Variants in CDH13 observed in about 807,000 individuals in gnomAD.
CDH13 encodes the protein cadherin-13.
A neutral mutation model predicts 63.8 loss-of-function variants in CDH13; 24 were observed. That is an observed-to-expected ratio of 0.38 (90% CI 0.27 to 0.53). The LOEUF (loss-of-function observed/expected upper bound fraction) is 0.53. CDH13 is among the 20% of genes least tolerant of loss of function. The pLI is 0.85. For missense variants in CDH13, 1,049 were observed against 903.1 expected, an observed-to-expected ratio of 1.16 and a Z score of -2.07; for synonymous variants, 503 against 355.3, an observed-to-expected ratio of 1.42 and a Z score of -4.67.
intron 9 of CDH13, among the ~76,000 whole-genome samples, chr16:83,675,777 A>T (rs1914903758): frequency 6.6e-6 from 1 of 152,228 alleles, no homozygotes; most frequent in Admixed American, 6.5e-5. Flanking sequence ...TCTAATAAAA[A>T]AATAGGGAAT....
chr16:83,146,563 C>G (rs1289968854), intron 4 of CDH13, among the ~76,000 whole-genome samples: 3 of 152,130 alleles, frequency 2.0e-5, no homozygotes, highest in Non-Finnish European at 4.4e-5. Context: ...TTTGTTTGTT[C>G]TATTTCAAGA....
intron 10 of CDH13, among the ~76,000 whole-genome samples, chr16:83,745,541 G>A (rs1912497945): frequency 6.6e-6 from 1 of 152,192 alleles, no homozygotes; most frequent in South Asian, 2.1e-4. Flanking sequence ...GGTGGTAGGT[G>A]AATTGCTGTC....
chr16:83,207,720 TA>T (rs1237139680), intron 4 of CDH13, among the ~76,000 whole-genome samples: 1 of 111,570 alleles, frequency 9.0e-6, no homozygotes, highest in Non-Finnish European at 2.0e-5. Flanking sequence ...TGGAAAAAAA[TA>T]AAACCCCTGC....
intron 7 of CDH13, among the ~76,000 whole-genome samples, chr16:83,517,926 AT>A (rs1452050414): frequency 3.3e-5 from 5 of 152,088 alleles, no homozygotes; most frequent in African/African-American, 4.8e-5. Context: ...TATCGTTCTC[AT>A]TTTACAGATA....
chr16:82,911,938 C>T (rs1223700623), intron 2 of CDH13, among the ~76,000 whole-genome samples: 1 of 151,986 alleles, frequency 6.6e-6, no homozygotes, highest in Non-Finnish European at 1.5e-5. Context: ...TTGAACCACC[C>T]GGCACTTGCT....
chr16:83,038,019 C>T (rs778016402), intron 3 of CDH13, among the ~76,000 whole-genome samples: 2 of 152,002 alleles, frequency 1.3e-5, no homozygotes, highest in African/African-American at 4.8e-5. Flanking sequence ...AGATGGGGAA[C>T]AGGAAGAGAA....
chr16:83,220,655 G>GAAAAAAA (rs34803857), intron 5 of CDH13, among the ~76,000 whole-genome samples: 1 of 137,896 alleles, frequency 7.3e-6, no homozygotes, highest in Non-Finnish European at 1.5e-5. Flanking sequence ...AACAGAGCAA[G>GAAAAAAA]AAAAAAAAAG....
At chr16:83,722,938 A>G (rs1323414911) in intron 10 of CDH13, among the ~76,000 whole-genome samples, 1 of 152,224 alleles carries the variant, frequency 6.6e-6, no homozygotes. Flanking sequence ...AAGTTCCTAA[A>G]TCATGCACCT....
intron 2 of CDH13, among the ~76,000 whole-genome samples, chr16:82,948,004 T>G (rs938280484): frequency 1.3e-5 from 2 of 152,194 alleles, no homozygotes; most frequent in Non-Finnish European, 2.9e-5. Context: ...CATGTGGACT[T>G]CACATGTATT....
intron 10 of CDH13, among the ~76,000 whole-genome samples, chr16:83,709,647 C>A (rs1907703961): frequency 6.6e-6 from 1 of 152,226 alleles, no homozygotes. Context: ...AAAATACATT[C>A]TTCATCAGAC....
intron 6 of CDH13, among the ~76,000 whole-genome samples, chr16:83,453,491 C>T (rs981515004): frequency 1.3e-5 from 2 of 152,160 alleles, no homozygotes; most frequent in African/African-American, 2.4e-5. Context: ...CACTTAGCAT[C>T]GTGTCTGACA....
intron 13 of CDH13, among the ~76,000 whole-genome samples, chr16:83,794,749 C>T (rs898546874): frequency 1.3e-5 from 2 of 152,042 alleles, no homozygotes; most frequent in African/African-American, 4.8e-5. Flanking sequence ...ACATAAGGCT[C>T]ATTGGTAACG....
chr16:82,982,287 C>T (rs1218883637), intron 2 of CDH13, among the ~76,000 whole-genome samples: 1 of 151,770 alleles, frequency 6.6e-6, no homozygotes, highest in Admixed American at 6.6e-5. Flanking sequence ...GTTATTTATG[C>T]CAATAATATC....
intron 8 of CDH13, among the ~76,000 whole-genome samples, chr16:83,659,871 C>T (rs1265054630): frequency 6.6e-6 from 1 of 150,750 alleles, no homozygotes; most frequent in African/African-American, 2.4e-5. Context: ...ACTGCAACCT[C>T]CACCTCCCGG....
chr16:82,629,050 T>C (rs1441523797), intron 1 of CDH13, among the ~76,000 whole-genome samples: 1 of 152,222 alleles, frequency 6.6e-6, no homozygotes, highest in Non-Finnish European at 1.5e-5. Context: ...CCTCTTTCTT[T>C]CTTGGCAGGT....
chr16:83,056,377 T>A (rs139292611), intron 3 of CDH13, among the ~76,000 whole-genome samples: 2 of 151,454 alleles, frequency 1.3e-5, no homozygotes, highest in Non-Finnish European at 2.9e-5. Flanking sequence ...TTGTAATAGC[T>A]AAAAACTGGA....
chr16:82,719,913 C>G (rs1274843503), intron 1 of CDH13, among the ~76,000 whole-genome samples: 1 of 147,032 alleles, frequency 6.8e-6, no homozygotes, highest in Non-Finnish European at 1.5e-5. Flanking sequence ...TTGCTAGGTT[C>G]TTGAAAACTG....
At chr16:83,429,889 C>T (rs2072042334) in intron 6 of CDH13, among the ~76,000 whole-genome samples, 1 of 152,176 alleles carries the variant, frequency 6.6e-6, no homozygotes, top group African/African-American at 2.4e-5. Context: ...CAAAAGCTAT[C>T]TAGAGCTAAT....
At chr16:82,764,748 A>T (rs1290827556) in intron 1 of CDH13, among the ~76,000 whole-genome samples, 1 of 151,600 alleles carries the variant, frequency 6.6e-6, no homozygotes, top group Non-Finnish European at 1.5e-5. Context: ...GTGTCCCTTT[A>T]TCTCTTTATC....
Sources: gnomAD v4.1 joint callset for allele counts (sites outside exome capture counted in the v4.1 genomes callset) on GRCh38, gnomAD v4.1.1 for gene constraint, MANE v1.5 for transcripts, NCBI Gene and HGNC (gene_info 2026-07-23, HGNC 2026-07-21) for gene names.